TRPM7: variants seen among roughly 807,000 people sequenced by gnomAD.
TRPM7 encodes the protein LTRPC ion channel family member 7.
TRPM7 carries 134 observed loss-of-function variants against 229.7 expected under a neutral mutation model. That is an observed-to-expected ratio of 0.58 (90% confidence interval 0.51 to 0.67). TRPM7 has a LOEUF of 0.67. TRPM7 is among the 30% of genes least tolerant of loss of function. TRPM7 has a pLI of 0.00. For missense variants in TRPM7, 1,901 were observed against 2,210.0 expected (o/e 0.86, Z 2.80); for synonymous variants, 699 against 715.2 (o/e 0.98, Z 0.36).
At chr15:50,600,150 T>C (rs1244715402) in intron 21 of TRPM7, among the ~76,000 whole-genome samples, 1 of 152,184 alleles carries the variant, frequency 6.6e-6, no homozygotes, top group Non-Finnish European at 1.5e-5. Flanking sequence ...AAAAAGTGAA[T>C]ATACGACCAG....
chr15:50,630,109 G>A (rs546122652), intron 10 of TRPM7, among the ~76,000 whole-genome samples: 23 of 152,046 alleles, frequency 1.5e-4, no homozygotes, highest in South Asian at 1.2e-3. Flanking sequence ...TGATCCACCC[G>A]CCTTAGCCTC....
intron 1 of TRPM7, among the ~76,000 whole-genome samples, chr15:50,681,016 GCCAAGGC>G (rs1445609602): frequency 3.3e-5 from 5 of 152,122 alleles, no homozygotes; most frequent in African/African-American, 1.2e-4. Flanking sequence ...ACTTTGGGAG[GCCAAGGC>G]GGGCAGATCA....
chr15:50,579,977 T>C (rs2054323676), intron 30 of TRPM7, among the ~76,000 whole-genome samples: 1 of 152,128 alleles, frequency 6.6e-6, no homozygotes. Flanking sequence ...TCTCACTATG[T>C]TTCTCAGGCT....
chr15:50,586,582 G>T, intron 27 of TRPM7, 94 bp from the exon 28 acceptor site: 1 of 721,230 alleles, frequency 1.4e-6, no homozygotes, highest in Non-Finnish European at 2.3e-6. Context: ...GATCTATTTA[G>T]CTCAATATGC....
chr15:50,606,600 G>C (rs1267215987), intron 20 of TRPM7, among the ~76,000 whole-genome samples: 1 of 152,050 alleles, frequency 6.6e-6, no homozygotes, highest in East Asian at 1.9e-4. Flanking sequence ...CTGGGTTCAA[G>C]TGATTCTCCT....
chr15:50,631,375 A>C (rs1312075249), intron 10 of TRPM7, 42 bp downstream of exon 10: 1 of 1,297,774 alleles, frequency 7.7e-7, no homozygotes, highest in Non-Finnish European at 1.1e-6. Context: ...TACATACATA[A>C]AATAAAAGGT....
chr15:50,570,677 TAAAAA>T (rs149970874), intron 36 of TRPM7, among the ~76,000 whole-genome samples: 11 of 91,726 alleles, frequency 1.2e-4, no homozygotes, highest in African/African-American at 4.8e-4. Context: ...ACTTCATTCC[TAAAAA>T]AAAAAAAAAA....
In TRPM7 at chr15:50,609,611, A is replaced by G. The variant is rs761721070; in HGVS notation, c.2550T>C (p.His850=). The G allele has an allele frequency of 1.9e-6, 3 of 1,609,352 alleles. No homozygotes were observed. The highest frequency in any genetic ancestry group is 1.7e-4 in the Middle Eastern group (1 of 5,994). The part of the protein sequence containing the change: ...PITRKFYAFY[H]APIVKFWFNT... ...TAAACCAGAATTTTACAATTGGTGC[A>G]TGATAAAAGGCATAAAACTTTCGCG... Residue 850 remains histidine (H), a synonymous_variant, in exon 19 of 39, where the codon CAT becomes CAC. Coordinates refer to ENST00000646667, the MANE Select transcript of TRPM7 (RefSeq NM_017672.6).
chr15:50,612,446 C>T, intron 16 of TRPM7, 103 bp downstream of exon 16: 1 of 945,018 alleles, frequency 1.1e-6, no homozygotes, highest in East Asian at 2.5e-5. Flanking sequence ...TAAGATTATA[C>T]ATATAAATAC....
chr15:50,640,565 C>T (rs756819563), intron 5 of TRPM7, among the ~76,000 whole-genome samples: 36 of 151,580 alleles, frequency 2.4e-4, no homozygotes, highest in Non-Finnish European at 1.8e-4. Flanking sequence ...GGATTATAGG[C>T]ATGAACCACC....
chr15:50,621,091 C>T (rs1034207241), intron 12 of TRPM7, among the ~76,000 whole-genome samples: 3 of 135,812 alleles, frequency 2.2e-5, no homozygotes, highest in African/African-American at 8.2e-5. Flanking sequence ...CCCCTGGGGG[C>T]GGAGCCTGCA....
At chr15:50,622,847 C>G (rs1440533231) in intron 12 of TRPM7, among the ~76,000 whole-genome samples, 2 of 152,180 alleles carry the variant, frequency 1.3e-5, no homozygotes, top group Non-Finnish European at 2.9e-5. Flanking sequence ...GATCGTGCCA[C>G]TGCGCTCCAG....
chr15:50,623,376 C>G (rs1478380188), intron 12 of TRPM7, among the ~76,000 whole-genome samples: 3 of 150,528 alleles, frequency 2.0e-5, no homozygotes, highest in Non-Finnish European at 4.4e-5. Flanking sequence ...GGCACCACTG[C>G]ACTCCAGCCT....
At chr15:50,568,763 C>T (rs1328056843) in intron 38 of TRPM7, among the ~76,000 whole-genome samples, 1 of 151,960 alleles carries the variant, frequency 6.6e-6, no homozygotes, top group Non-Finnish European at 1.5e-5. Context: ...TCACTTGAGC[C>T]CAGGAATTCG....
intron 2 of TRPM7, among the ~76,000 whole-genome samples, chr15:50,661,028 T>G (rs994695920): frequency 1.3e-5 from 2 of 151,276 alleles, no homozygotes; most frequent in Non-Finnish European, 2.9e-5. Context: ...CAGGCTGGAG[T>G]GCAGCAGTGT....
intron 31 of TRPM7, among the ~76,000 whole-genome samples, chr15:50,576,691 G>C (rs561992748): frequency 6.6e-6 from 1 of 152,322 alleles, no homozygotes; most frequent in Admixed American, 6.5e-5. Flanking sequence ...CTGTAGGTAT[G>C]TGTCATCATA....
rs1426677948 is a variant in TRPM7 at position 50,627,464 on chromosome 15, C to T, written c.1305+685G>A. ...CAAGTACAAAGCCTAGAGATAGGAG[C>T]ATGCTTGATATGTTCAAAGAAGAGC... is the stretch of plus-strand genomic sequence containing the variant. On this transcript the variant is annotated intron_variant, in intron 11 of 38. Coordinates refer to ENST00000646667, the MANE Select transcript of TRPM7 (RefSeq NM_017672.6). Among the ~76,000 whole-genome samples the T allele has an allele frequency of 1.3e-5, 2 of 151,982 alleles. 1 individual carries two copies. The highest frequency in any genetic ancestry group is 2.9e-5 in the Non-Finnish European group (2 of 67,984).
intron 8 of TRPM7, among the ~76,000 whole-genome samples, chr15:50,633,789 C>T (rs1169581042): frequency 6.6e-6 from 1 of 152,154 alleles, no homozygotes; most frequent in Non-Finnish European, 1.5e-5. Context: ...TCTGTAGGAA[C>T]AATTCCCAGA....
At chr15:50,565,754 C>T (rs1244188314) in intron 38 of TRPM7, among the ~76,000 whole-genome samples, 1 of 152,078 alleles carries the variant, frequency 6.6e-6, no homozygotes, top group Non-Finnish European at 1.5e-5. Flanking sequence ...TTACAGAATA[C>T]TCCATCCAAC....
Sources: gnomAD v4.1 joint callset for allele counts (sites outside exome capture counted in the v4.1 genomes callset) on GRCh38, gnomAD v4.1.1 for gene constraint, MANE v1.5 for transcripts, NCBI Gene and HGNC (gene_info 2026-07-23, HGNC 2026-07-21) for gene names.